The following MCM5 variants were observed in gnomAD, a reference collection of about 807,000 sequenced individuals.
The protein encoded by MCM5 is DNA replication licensing factor MCM5.
In MCM5, 46 loss-of-function variants were observed where a neutral mutation model predicts 79.9. The ratio of observed to expected loss-of-function variants is 0.58; its 90% confidence interval spans 0.45 to 0.74. The LOEUF (loss-of-function observed/expected upper bound fraction) is 0.74, where lower values mean the gene tolerates loss of function less well. Ranked by LOEUF, MCM5 falls within the 30% of genes least tolerant of loss-of-function variation. The probability of loss-of-function intolerance (pLI) is 0.00; values close to 1 mark genes in which losing one functional copy is unlikely to be tolerated. For missense variants in MCM5, 883 were observed against 1,017.0 expected, an observed-to-expected ratio of 0.87 and a Z score of 1.79; for synonymous variants, 404 against 390.5, an observed-to-expected ratio of 1.03 and a Z score of -0.41.
chr22:35,425,848 G>A (rs1384783615), downstream of MCM5, among the ~76,000 whole-genome samples: 7 of 151,998 alleles, frequency 4.6e-5, no homozygotes, highest in East Asian at 1.4e-3. Flanking sequence ...TGTGGTGGGT[G>A]GTGCTGCTGT....
rs1012911132 is a variant in MCM5 at position 35,400,510 on chromosome 22, G to T, written c.72G>T (p.Gly24=). The change falls in exon 2 of 17, where the codon GGG becomes GGT. Residue 24 remains glycine (G), a synonymous_variant. Transcript: ENST00000216122. ...GGGGCGACGCCCAGGCCGACGAGGG[G>T]CAGGCCCGCAAATCGCAGCTGCAGA... The part of the protein sequence containing the change: ...SFGGDAQADE[G]QARKSQLQRR... 1.2e-6 allele frequency: 2 copies of T among 1,614,106 alleles called. No individual in the cohort carries two copies. Among genetic ancestry groups the T allele is most frequent in the Non-Finnish European group, 1.7e-6 (2 of 1,179,978 alleles).
At position 35,423,305 on chromosome 22, in the gene MCM5, G is replaced by A. The variant is rs1379385067; in HGVS notation, c.2067G>A (p.Val689=). 5.0e-6 allele frequency: 8 copies of A among 1,608,416 alleles called. No individual in the cohort carries two copies. Among genetic ancestry groups the A allele is most frequent in the Non-Finnish European group, 6.8e-6 (8 of 1,176,584 alleles). Residue 689 remains valine (V), a synonymous_variant, in exon 16 of 17, where the codon GTG becomes GTA. Coordinates refer to ENST00000216122, the MANE Select transcript of MCM5 (RefSeq NM_006739.4). ...LKRRFAIGSQ[V]SEHSIIKDFT... is the part of the protein sequence containing the mutation. ...GCCGCTTTGCCATTGGCTCCCAGGT[G>A]TCTGAGCACAGCATCATCAAGGACT...
At chr22:35,439,006 TC>T in the MCM5 span, among the ~76,000 whole-genome samples, 1 of 149,374 alleles carries the variant, frequency 6.7e-6, no homozygotes, top group Non-Finnish European at 1.5e-5. Flanking sequence ...CATCCATCCA[TC>T]CATCCATCCA....
chr22:35,400,266 G>C (rs942026663), intron 1 of MCM5, 58 bp downstream of exon 1: 1 of 684,310 alleles, frequency 1.5e-6, no homozygotes, highest in Admixed American at 2.4e-5. Context: ...GGATTTCCGG[G>C]TGTAGTTGGA....
the MCM5 span, among the ~76,000 whole-genome samples, chr22:35,441,360 A>G: frequency 1.3e-5 from 2 of 152,168 alleles, no homozygotes; most frequent in Non-Finnish European, 2.9e-5. Context: ...AGGGAGGACA[A>G]TCTCGCACTC....
chr22:35,425,898 A>G (rs1243111072), downstream of MCM5, among the ~76,000 whole-genome samples: 1 of 152,048 alleles, frequency 6.6e-6, no homozygotes, highest in Middle Eastern at 3.2e-3. Context: ...TGAGGCTCAG[A>G]GAGTCAAGTG....
In MCM5 at chr22:35,421,304, T is replaced by C. The variant is rs772610008; in HGVS notation, c.1833-14T>C. On this transcript the variant is annotated splice_polypyrimidine_tract_variant and intron_variant, in intron 14 of 16. Coordinates refer to ENST00000216122, the MANE Select transcript of MCM5 (RefSeq NM_006739.4). Reference sequence around the variant, plus strand: ...CGGACCGAGGCTACCCTGAGCACGCTGTTGCCCCCACAGGCAGCTGGAGGC... The same window carrying C: ...CGGACCGAGGCTACCCTGAGCACGCCGTTGCCCCCACAGGCAGCTGGAGGC... 14 of 1,610,810 alleles carry C rather than the reference T, an allele frequency of 8.7e-6. No homozygotes were observed. Among genetic ancestry groups the C allele is most frequent in the African/African-American group, 1.3e-5 (1 of 75,022 alleles).
At chr22:35,437,340 A>G in the MCM5 span, among the ~76,000 whole-genome samples, 2 of 152,182 alleles carry the variant, frequency 1.3e-5, no homozygotes, top group Non-Finnish European at 2.9e-5. Flanking sequence ...CATGGACACC[A>G]AAAGAGAGAG....
chr22:35,412,044 C>T (rs999303137), intron 7 of MCM5, among the ~76,000 whole-genome samples: 4 of 152,120 alleles, frequency 2.6e-5, no homozygotes, highest in African/African-American at 9.7e-5. Flanking sequence ...ACCTTTAAAA[C>T]GTGTCCAGGA....
Position 35,400,449 on chromosome 22 carries a change from T to C in MCM5, c.11T>C (p.Phe4Ser). MSGFDDPGIFYSDS... is the reference protein window; with the variant it reads MSGSDDPGIFYSDS... ...ACCCCAGGCGCAGTCATGTCGGGAT[T>C]CGACGATCCTGGCATTTTCTACAGC... The change falls in exon 2 of 17, where the codon TTC (phenylalanine) becomes TCC (serine). Residue 4 changes from phenylalanine to serine, a missense_variant. Transcript: ENST00000216122. The C allele has an allele frequency of 6.2e-7, 1 of 1,614,060 alleles. No individual in the cohort carries two copies. The highest frequency in any genetic ancestry group is 8.5e-7 in the Non-Finnish European group (1 of 1,179,958).
chr22:35,450,562 A>G, the MCM5 span, among the ~76,000 whole-genome samples: 1 of 152,086 alleles, frequency 6.6e-6, no homozygotes, highest in Non-Finnish European at 1.5e-5. Flanking sequence ...CCAAATGGCC[A>G]CCTTCAGGGT....
chr22:35,408,341 G>A lies in MCM5; in HGVS notation c.597-67G>A, dbSNP rs1384250348. ...GCAACGTCTCCTTGCTGGCTCCTGG[G>A]ATGAATGAGCCCTGCCTTTGGATTC... On this transcript the variant is annotated intron_variant, in intron 5 of 16. Transcript: ENST00000216122. The A allele has an allele frequency of 2.0e-6, 3 of 1,493,036 alleles. No individual in the cohort carries two copies. In the East Asian group the frequency reaches 6.9e-5, roughly 34 times the overall value. The allele number at this position is 1,493,036 out of a possible 1,614,324, so 92.5% of individuals were successfully genotyped here. A position where few individuals can be genotyped will look rare whatever the true frequency, so the allele number is the denominator to read the frequency against.
At chr22:35,441,071 A>G in the MCM5 span, among the ~76,000 whole-genome samples, 1 of 151,872 alleles carries the variant, frequency 6.6e-6, no homozygotes, top group Non-Finnish European at 1.5e-5. Flanking sequence ...AAAAAAAAAA[A>G]AAAAGTAAGA....
At chr22:35,430,367 C>G (rs766004141), downstream of MCM5, among the ~76,000 whole-genome samples, 1 of 152,190 alleles carries the variant, frequency 6.6e-6, no homozygotes, top group African/African-American at 2.4e-5. Flanking sequence ...AGAGCTTTGC[C>G]AGGAAGTGGG....
chr22:35,415,882 G>T lies in MCM5; in HGVS notation c.1257G>T (p.Met419Ile). The change falls in exon 10 of 17, where the codon ATG becomes ATT. Residue 419 changes from methionine to isoleucine, a missense_variant. Transcript: ENST00000216122. ...SSAAGLTASVMRDPSSRNFIM... is the reference protein window; with the variant it reads ...SSAAGLTASVIRDPSSRNFIM... ...CAGCTGGACTGACAGCCTCGGTGAT[G>T]AGGGACCCTTCGTCCCGGAATTTCA... 1 of 1,614,122 alleles carries T rather than the reference G, an allele frequency of 6.2e-7. No homozygotes were observed. Among genetic ancestry groups the T allele is most frequent in the Non-Finnish European group, 8.5e-7 (1 of 1,180,030 alleles).
the MCM5 span, among the ~76,000 whole-genome samples, chr22:35,447,348 A>G: frequency 6.6e-6 from 1 of 152,118 alleles, no homozygotes; most frequent in Non-Finnish European, 1.5e-5. Context: ...TCTGGGTTTG[A>G]GTGACACATG....
chr22:35,423,995 G>C, intron 16 of MCM5, 159 bp from the exon 17 acceptor site: 1 of 568,540 alleles, frequency 1.8e-6, no homozygotes, highest in Non-Finnish European at 3.2e-6. Flanking sequence ...TAGCCTCCGT[G>C]TGCCTCAGTG....
downstream of MCM5, among the ~76,000 whole-genome samples, chr22:35,426,826 C>CTG (rs1431830615): frequency 2.0e-5 from 3 of 152,180 alleles, no homozygotes; most frequent in Admixed American, 6.5e-5. Context: ...GCCTCTGCTG[C>CTG]TGTGTTCCCT....
chr22:35,445,871 A>G, the MCM5 span, among the ~76,000 whole-genome samples: 5 of 152,220 alleles, frequency 3.3e-5, no homozygotes, highest in East Asian at 5.8e-4. Context: ...TGAGTAGATA[A>G]CTTTTCCTGA....
Sources: gnomAD v4.1 joint callset for allele counts (sites outside exome capture counted in the v4.1 genomes callset) on GRCh38, gnomAD v4.1.1 for gene constraint, MANE v1.5 for transcripts, NCBI Gene and HGNC (gene_info 2026-07-23, HGNC 2026-07-21) for gene names.